The following NXPH1 variants were observed in gnomAD, a reference collection of about 807,000 sequenced individuals.
The protein encoded by NXPH1 is neurexophilin 1.
NXPH1 carries 5 observed loss-of-function variants against 23.7 expected under a neutral mutation model. The observed-to-expected ratio is 0.21, with a 90% CI of 0.11 to 0.44. The LOEUF (loss-of-function observed/expected upper bound fraction) is 0.44, where lower values mean the gene tolerates loss of function less well. NXPH1 is among the 20% of genes least tolerant of loss of function. The pLI, the probability that NXPH1 is intolerant of heterozygous loss-of-function variation, is 0.99. For missense variants in NXPH1, 324 were observed against 321.6 expected (o/e 1.01, Z -0.06); for synonymous variants, 144 against 122.2 (o/e 1.18, Z -1.18).
At chr7:8,475,751 T>C (rs1816959404) in intron 2 of NXPH1, among the ~76,000 whole-genome samples, 1 of 152,198 alleles carries the variant, frequency 6.6e-6, no homozygotes. Context: ...TATTCTTGTC[T>C]TTTGCTCCTG....
At chr7:8,635,999 G>T (rs1313038656) in intron 2 of NXPH1, among the ~76,000 whole-genome samples, 1 of 152,110 alleles carries the variant, frequency 6.6e-6, no homozygotes, top group African/African-American at 2.4e-5. Context: ...ACCCACTGAA[G>T]GTCACTTTAT....
At chr7:8,673,789 G>C (rs1820907908) in intron 2 of NXPH1, among the ~76,000 whole-genome samples, 1 of 151,818 alleles carries the variant, frequency 6.6e-6, no homozygotes, top group South Asian at 2.1e-4. Flanking sequence ...ATTATTAGTA[G>C]TAGTAGCTAC....
At chr7:8,735,813 A>T (rs1308687749) in intron 2 of NXPH1, among the ~76,000 whole-genome samples, 1 of 151,868 alleles carries the variant, frequency 6.6e-6, no homozygotes, top group Non-Finnish European at 1.5e-5. Flanking sequence ...TAATTTCAGA[A>T]CTCATTATTG....
chr7:8,578,304 A>G (rs542277453), intron 2 of NXPH1, among the ~76,000 whole-genome samples: 1 of 152,320 alleles, frequency 6.6e-6, no homozygotes, highest in African/African-American at 2.4e-5. Flanking sequence ...TTTCCATTGA[A>G]TGTGTCTCCC....
intron 2 of NXPH1, among the ~76,000 whole-genome samples, chr7:8,721,820 A>G (rs989455421): frequency 1.3e-5 from 2 of 152,254 alleles, no homozygotes; most frequent in African/African-American, 2.4e-5. Flanking sequence ...TCCAGTTCGA[A>G]AAAACCATAA....
intron 2 of NXPH1, among the ~76,000 whole-genome samples, chr7:8,519,792 T>G (rs1417188392): frequency 6.6e-6 from 1 of 152,156 alleles, no homozygotes; most frequent in Non-Finnish European, 1.5e-5. Context: ...ATTCACTGTT[T>G]GTTAACAAGA....
In NXPH1 at chr7:8,559,482, A is replaced by G. The variant is rs1022336692; in HGVS notation, c.54+123715A>G. Reference sequence around the variant, plus strand: ...GGATGCCCAAATTTAATAAAAATATAAATTCTTTTGGTTCCTATTTTCTCC... The same window carrying G: ...GGATGCCCAAATTTAATAAAAATATGAATTCTTTTGGTTCCTATTTTCTCC... On this transcript the variant is annotated intron_variant, in intron 2 of 2. Transcript: ENST00000405863. 6.0e-4 allele frequency among the ~76,000 whole-genome samples: 91 copies of G among 151,800 alleles called. No homozygotes were observed. The Middle Eastern group carries it at 0.01, about 17-fold the overall frequency.
At chr7:8,525,031 G>C (rs550937976) in intron 2 of NXPH1, among the ~76,000 whole-genome samples, 1 of 152,326 alleles carries the variant, frequency 6.6e-6, no homozygotes, top group Admixed American at 6.5e-5. Context: ...ACAATTTGAA[G>C]GGCTCAGAAG....
intron 2 of NXPH1, among the ~76,000 whole-genome samples, chr7:8,737,744 T>C (rs968323564): frequency 1.3e-5 from 2 of 152,236 alleles, no homozygotes; most frequent in African/African-American, 4.8e-5. Flanking sequence ...CTTGTTTCCA[T>C]TCTCTCTGTC....
At chr7:8,582,367 C>T (rs939406581) in intron 2 of NXPH1, among the ~76,000 whole-genome samples, 1 of 152,186 alleles carries the variant, frequency 6.6e-6, no homozygotes, top group Admixed American at 6.5e-5. Flanking sequence ...AGTTCTTGTC[C>T]TGTGACCAGG....
chr7:8,463,092 T>C (rs1328807642), intron 2 of NXPH1, among the ~76,000 whole-genome samples: 2 of 152,170 alleles, frequency 1.3e-5, no homozygotes, highest in Non-Finnish European at 2.9e-5. Context: ...CTGACAAATA[T>C]AATTCATAAG....
At chr7:8,629,223 A>G (rs1485839673) in intron 2 of NXPH1, among the ~76,000 whole-genome samples, 1 of 152,144 alleles carries the variant, frequency 6.6e-6, no homozygotes, top group Non-Finnish European at 1.5e-5. Flanking sequence ...GTAAACACAA[A>G]TATTAGGAAC....
intron 2 of NXPH1, among the ~76,000 whole-genome samples, chr7:8,697,434 A>T (rs189442509): frequency 1.3e-4 from 20 of 152,276 alleles, no homozygotes; most frequent in African/African-American, 4.8e-4. Flanking sequence ...AGTGGCTCAG[A>T]CTGCAATAGT....
intron 2 of NXPH1, among the ~76,000 whole-genome samples, chr7:8,681,108 C>A (rs1254628536): frequency 2.0e-5 from 3 of 152,184 alleles, no homozygotes; most frequent in Non-Finnish European, 4.4e-5. Flanking sequence ...CCCTGGCCAG[C>A]CCCTTTATGT....
intron 2 of NXPH1, among the ~76,000 whole-genome samples, chr7:8,607,627 A>G (rs1009564052): frequency 3.9e-5 from 6 of 152,338 alleles, no homozygotes; most frequent in Non-Finnish European, 7.3e-5. Context: ...CTCTGGAAAT[A>G]GAGTATCCCA....
chr7:8,717,550 C>A (rs937283749), intron 2 of NXPH1, among the ~76,000 whole-genome samples: 1 of 152,140 alleles, frequency 6.6e-6, no homozygotes, highest in South Asian at 2.1e-4. Context: ...TAGTTAAAGA[C>A]TACCCTCTAA....
At chr7:8,685,298 C>T (rs532531451) in intron 2 of NXPH1, among the ~76,000 whole-genome samples, 2 of 150,222 alleles carry the variant, frequency 1.3e-5, no homozygotes, top group Non-Finnish European at 3.0e-5. Context: ...GCATTCCTGG[C>T]TTATTAAAAT....
chr7:8,497,599 T>G (rs1337202926), intron 2 of NXPH1, among the ~76,000 whole-genome samples: 1 of 152,310 alleles, frequency 6.6e-6, no homozygotes, highest in Admixed American at 6.5e-5. Context: ...GATTTGCATT[T>G]CTCTGATGGC....
chr7:8,628,036 A>G (rs1387940095), intron 2 of NXPH1, among the ~76,000 whole-genome samples: 1 of 152,298 alleles, frequency 6.6e-6, no homozygotes, highest in East Asian at 1.9e-4. Context: ...ATAATTGCCA[A>G]AGTCAAAATG....
Sources: allele counts gnomAD v4.1 joint callset (sites outside exome capture counted in the v4.1 genomes callset), GRCh38; gene constraint gnomAD v4.1.1; transcripts MANE v1.5; gene names NCBI Gene and HGNC (gene_info 2026-07-23, HGNC 2026-07-21).